NBEA: variants seen among roughly 807,000 people sequenced by gnomAD.
NBEA encodes the protein lysosomal-trafficking regulator 2.
A neutral mutation model predicts 343.4 loss-of-function variants in NBEA; 44 were observed. That is an observed-to-expected ratio of 0.13 (90% confidence interval 0.10 to 0.16). The LOEUF (loss-of-function observed/expected upper bound fraction) is 0.16. Among genes scored for constraint, NBEA ranks in the 10% least tolerant of loss-of-function variants. The pLI is 1.00. For synonymous variants in NBEA, 1,175 were observed against 1,238.7 expected (o/e 0.95, Z 1.08); for missense variants, 2,555 against 3,631.3 (o/e 0.70, Z 7.62).
intron 1 of NBEA, among the ~76,000 whole-genome samples, chr13:35,019,688 A>C (rs1188704736): frequency 1.3e-5 from 2 of 152,246 alleles, no homozygotes; most frequent in African/African-American, 4.8e-5. Context: ...AATTTTTATA[A>C]TAGATATAGG....
At chr13:34,948,265 TC>T (rs2059248518) in intron 1 of NBEA, among the ~76,000 whole-genome samples, 1 of 152,154 alleles carries the variant, frequency 6.6e-6, no homozygotes, top group African/African-American at 2.4e-5. Flanking sequence ...GGGTCAGACA[TC>T]TAACCTAGGT....
At chr13:35,178,726 TGAA>T (rs2071092311) in intron 28 of NBEA, among the ~76,000 whole-genome samples, 1 of 151,516 alleles carries the variant, frequency 6.6e-6, no homozygotes, top group African/African-American at 2.4e-5. Flanking sequence ...TAATAAATAA[TGAA>T]GGTTTTTTTA....
chr13:35,410,305 A>T (rs1307720097), intron 38 of NBEA, among the ~76,000 whole-genome samples: 1 of 152,166 alleles, frequency 6.6e-6, no homozygotes, highest in Non-Finnish European at 1.5e-5. Flanking sequence ...ATAGCTTTAC[A>T]GTGTCAGAAT....
intron 11 of NBEA, among the ~76,000 whole-genome samples, chr13:35,106,580 G>A (rs181279329): frequency 1.6e-4 from 24 of 151,866 alleles, no homozygotes; most frequent in African/African-American, 5.5e-4. Flanking sequence ...AGAGGTAAAG[G>A]TAACATGCTG....
chr13:35,599,550 CA>C (rs1323731666), intron 47 of NBEA, among the ~76,000 whole-genome samples: 1 of 152,182 alleles, frequency 6.6e-6, no homozygotes, highest in Non-Finnish European at 1.5e-5. Context: ...GCAAGGGAGC[CA>C]CTCTATTGCA....
intron 34 of NBEA, among the ~76,000 whole-genome samples, chr13:35,284,813 G>A (rs1468599191): frequency 6.6e-6 from 1 of 152,024 alleles, no homozygotes; most frequent in Non-Finnish European, 1.5e-5. Context: ...GAGGGAATAG[G>A]AAGACAATTT....
At chr13:35,236,549 C>A (rs980696368) in intron 34 of NBEA, among the ~76,000 whole-genome samples, 1 of 151,948 alleles carries the variant, frequency 6.6e-6, no homozygotes, top group East Asian at 1.9e-4. Flanking sequence ...TGGGTTCACG[C>A]CATTCTCCTG....
At chr13:35,457,939 T>G (rs965122520) in intron 40 of NBEA, among the ~76,000 whole-genome samples, 3 of 152,230 alleles carry the variant, frequency 2.0e-5, no homozygotes, top group Non-Finnish European at 4.4e-5. Context: ...GTTATTCCAT[T>G]GTATGGATAC....
intron 18 of NBEA, among the ~76,000 whole-genome samples, chr13:35,144,856 A>G (rs1382846980): frequency 6.6e-6 from 1 of 152,190 alleles, no homozygotes; most frequent in Non-Finnish European, 1.5e-5. Flanking sequence ...TGTAATGTAA[A>G]AGACACAAAA....
chr13:35,172,325 A>G (rs964090036), intron 26 of NBEA, among the ~76,000 whole-genome samples: 2 of 152,020 alleles, frequency 1.3e-5, no homozygotes, highest in African/African-American at 2.4e-5. Context: ...TGTATTCATT[A>G]TAAGAGAAAG....
intron 1 of NBEA, among the ~76,000 whole-genome samples, chr13:35,003,374 A>G (rs1444753855): frequency 2.0e-5 from 3 of 147,508 alleles, no homozygotes; most frequent in African/African-American, 8.0e-5. Flanking sequence ...TCTTAAAAAA[A>G]GAAAGAAAGG....
chr13:35,157,007 CAAAG>C, intron 20 of NBEA, 67 bp from the exon 21 acceptor site: 1 of 1,262,410 alleles, frequency 7.9e-7, no homozygotes, highest in Non-Finnish European at 1.1e-6. Context: ...TTTTATTTAT[CAAAG>C]TTTCAAAATA....
In NBEA at chr13:35,645,328, A is replaced by G. The variant is rs1593456497; in HGVS notation, c.7618-541A>G. Reference sequence around the variant, plus strand: ...ATATCATGCTTCTCCTTGTTGACATAAATTACATATAATATTTCAGAAAAA... The same window carrying G: ...ATATCATGCTTCTCCTTGTTGACATGAATTACATATAATATTTCAGAAAAA... On this transcript the variant is annotated intron_variant, in intron 49 of 58. Transcript: ENST00000379939. 3.3e-5 allele frequency among the ~76,000 whole-genome samples: 5 copies of G among 152,346 alleles called. No individual in the cohort carries two copies. The South Asian group carries it at 1.0e-3, about 32-fold the overall frequency.
In NBEA at chr13:35,183,169, C is replaced by G. The variant is rs113799830; in HGVS notation, c.4831+641C>G. Among the ~76,000 whole-genome samples, 294 of 152,096 alleles carry G rather than the reference C, an allele frequency of 1.9e-3. 1 individual carries two copies. Among genetic ancestry groups the G allele is most frequent in the Non-Finnish European group, 3.9e-3 (265 of 67,908 alleles). On this transcript the variant is annotated intron_variant, in intron 29 of 58. Coordinates refer to ENST00000379939, the MANE Select transcript of NBEA (RefSeq NM_001385012.1). ...TCTTGCATTACTAGCTTTGCCCACT[C>G]TACTTGAACAGCATAAACACAGTTT...
chr13:35,297,249 C>G (rs567183579), intron 35 of NBEA, among the ~76,000 whole-genome samples: 3 of 152,014 alleles, frequency 2.0e-5, no homozygotes, highest in East Asian at 3.9e-4. Flanking sequence ...TTTCACGAAG[C>G]CTTTCTGTAT....
At chr13:35,081,235 T>A (rs2064377943) in intron 10 of NBEA, among the ~76,000 whole-genome samples, 1 of 152,134 alleles carries the variant, frequency 6.6e-6, no homozygotes, top group Non-Finnish European at 1.5e-5. Context: ...TATTAGAGCC[T>A]AATTTTTGTA....
At chr13:35,032,835 C>A (rs908179246) in intron 1 of NBEA, among the ~76,000 whole-genome samples, 1 of 151,528 alleles carries the variant, frequency 6.6e-6, no homozygotes, top group Non-Finnish European at 1.5e-5. Flanking sequence ...ATCTTTTGCT[C>A]ATCTTGGTTT....
chr13:35,090,675 T>G (rs1005664465), intron 10 of NBEA, among the ~76,000 whole-genome samples: 12 of 151,866 alleles, frequency 7.9e-5, no homozygotes, highest in Admixed American at 6.6e-5. Flanking sequence ...CTCAGAAGGA[T>G]TTTTTGAGTC....
chr13:35,047,201 T>TTGTGTGTGTGTGTGTGTG (rs139134555), intron 4 of NBEA, among the ~76,000 whole-genome samples: 17 of 147,972 alleles, frequency 1.1e-4, no homozygotes, highest in Non-Finnish European at 1.7e-4. Flanking sequence ...TCATTTGAAA[T>TTGTGTGTGTGTGTGTGTG]TGTGTGTGTG....
Sources: gnomAD v4.1 joint callset for allele counts (sites outside exome capture counted in the v4.1 genomes callset) on GRCh38, gnomAD v4.1.1 for gene constraint, MANE v1.5 for transcripts, NCBI Gene and HGNC (gene_info 2026-07-23, HGNC 2026-07-21) for gene names.